Variants in DYM observed in about 807,000 individuals in gnomAD.
DYM encodes dymeclin, also known as dyggve-Melchior-Clausen syndrome protein.
Under a neutral mutation model 93.1 loss-of-function variants are expected in DYM, and 78 were observed. That is an observed-to-expected ratio of 0.84 (90% confidence interval 0.70 to 1.01). The LOEUF is 1.01. DYM is among the 50% of genes least tolerant of loss of function. DYM has a pLI of 0.00. For synonymous variants in DYM, 321 were observed against 319.7 expected (o/e 1.00, Z -0.04); for missense variants, 789 against 845.0 (o/e 0.93, Z 0.82).
intron 13 of DYM, among the ~76,000 whole-genome samples, chr18:49,235,901 A>C (rs1311638863): frequency 6.6e-6 from 1 of 152,190 alleles, no homozygotes; most frequent in East Asian, 1.9e-4. Context: ...TTTCCTCTTC[A>C]TAAGGAATCA....
At chr18:49,141,422 C>T (rs559854564) in intron 15 of DYM, among the ~76,000 whole-genome samples, 2 of 152,302 alleles carry the variant, frequency 1.3e-5, no homozygotes, top group South Asian at 2.1e-4. Flanking sequence ...AGGCCTTGAA[C>T]ATAGCCCTAC....
Position 49,281,002 on chromosome 18 carries a change from G to A in DYM, c.1125+995C>T, listed in dbSNP as rs1246074066. Among the ~76,000 whole-genome samples the A allele has an allele frequency of 1.3e-3, 204 of 152,044 alleles. 1 individual carries two copies. The highest frequency in any genetic ancestry group is 2.5e-3 in the South Asian group (12 of 4,816). On this transcript the variant is annotated intron_variant, in intron 10 of 17. Transcript: ENST00000675505. ...CTGCACAGCAAAAGAAACTACCATC[G>A]GAGTGAACAGGCAACCTACAGAATG...
chr18:49,320,906 G>C (rs2062429758), intron 8 of DYM, among the ~76,000 whole-genome samples: 1 of 152,108 alleles, frequency 6.6e-6, no homozygotes, highest in South Asian at 2.1e-4. Context: ...TATAGTTTGA[G>C]GATTTTTCCT....
At chr18:49,099,995 T>C (rs920443503) in intron 16 of DYM, among the ~76,000 whole-genome samples, 3 of 152,146 alleles carry the variant, frequency 2.0e-5, no homozygotes, top group Admixed American at 1.3e-4. Context: ...ATCTAGATAC[T>C]GTAACCAGGA....
intron 15 of DYM, among the ~76,000 whole-genome samples, chr18:49,136,177 A>G (rs2083828705): frequency 6.6e-6 from 1 of 152,222 alleles, no homozygotes; most frequent in Non-Finnish European, 1.5e-5. Context: ...TTTGCAATTT[A>G]TTTCCTGTGG....
chr18:49,333,525 C>T (rs990502631), intron 7 of DYM, among the ~76,000 whole-genome samples: 4 of 152,048 alleles, frequency 2.6e-5, no homozygotes, highest in South Asian at 2.1e-4. Flanking sequence ...AATGAAGCTA[C>T]GGGACAGGAA....
chr18:49,096,580 AAAG>A (rs1369763649), intron 17 of DYM, among the ~76,000 whole-genome samples: 1 of 152,236 alleles, frequency 6.6e-6, no homozygotes, highest in Non-Finnish European at 1.5e-5. Flanking sequence ...AAAAAACTAA[AAAG>A]AACAGTAAAG....
At chr18:49,091,769 C>T (rs1412109266) in intron 17 of DYM, among the ~76,000 whole-genome samples, 1 of 152,064 alleles carries the variant, frequency 6.6e-6, no homozygotes, top group Non-Finnish European at 1.5e-5. Flanking sequence ...TGGAGTCTCG[C>T]TCTGTCCCCT....
At chr18:49,238,340 A>G (rs2093934276) in intron 13 of DYM, among the ~76,000 whole-genome samples, 1 of 152,162 alleles carries the variant, frequency 6.6e-6, no homozygotes, top group African/African-American at 2.4e-5. Flanking sequence ...GAAATTTGTG[A>G]ATGCATCATC....
chr18:49,269,761 A>G (rs1290174601), intron 11 of DYM, among the ~76,000 whole-genome samples: 1 of 152,154 alleles, frequency 6.6e-6, no homozygotes, highest in Non-Finnish European at 1.5e-5. Context: ...AAGTTCCAGT[A>G]AGCTAAGGGT....
chr18:49,276,655 C>T (rs1251895370), intron 10 of DYM, among the ~76,000 whole-genome samples: 1 of 151,956 alleles, frequency 6.6e-6, no homozygotes, highest in Non-Finnish European at 1.5e-5. Flanking sequence ...AACATAATGG[C>T]AAAGAGATGA....
At chr18:49,247,567 G>T (rs1026763468) in intron 13 of DYM, among the ~76,000 whole-genome samples, 1 of 152,154 alleles carries the variant, frequency 6.6e-6, no homozygotes, top group Non-Finnish European at 1.5e-5. Flanking sequence ...CTCTATGGAA[G>T]TTATTTTAAA....
At chr18:49,324,132 C>A (rs901383767) in intron 8 of DYM, among the ~76,000 whole-genome samples, 1 of 51,424 alleles carries the variant, frequency 1.9e-5, no homozygotes, top group African/African-American at 7.5e-5. Flanking sequence ...CAGATAGGCT[C>A]TGTCTCAAAA....
At chr18:49,152,674 A>G (rs1204392993) in intron 15 of DYM, among the ~76,000 whole-genome samples, 1 of 152,234 alleles carries the variant, frequency 6.6e-6, no homozygotes, top group African/African-American at 2.4e-5. Flanking sequence ...TTGCACTTGC[A>G]TATTCATTTC....
chr18:49,197,308 G>A (rs1020287685), intron 14 of DYM, among the ~76,000 whole-genome samples: 1 of 151,994 alleles, frequency 6.6e-6, no homozygotes, highest in Non-Finnish European at 1.5e-5. Flanking sequence ...TTAGGAACAA[G>A]CTTTTTAAAA....
At chr18:49,339,440 GT>G (rs1488610534) in intron 6 of DYM, among the ~76,000 whole-genome samples, 2 of 152,180 alleles carry the variant, frequency 1.3e-5, no homozygotes, top group Non-Finnish European at 2.9e-5. Flanking sequence ...ACTACGATGT[GT>G]GTTGAGTAGC....
chr18:49,195,582 T>C (rs1375839872), intron 14 of DYM, among the ~76,000 whole-genome samples: 1 of 152,190 alleles, frequency 6.6e-6, no homozygotes, highest in Non-Finnish European at 1.5e-5. Flanking sequence ...TAACAGAATC[T>C]ACACTACTGC....
intron 14 of DYM, among the ~76,000 whole-genome samples, chr18:49,198,892 G>C (rs1260456217): frequency 1.3e-5 from 2 of 151,498 alleles, no homozygotes; most frequent in African/African-American, 4.9e-5. Flanking sequence ...ATACCCAAAG[G>C]ATTATAAATG....
chr18:49,326,487 C>A (rs1599443052), intron 8 of DYM, among the ~76,000 whole-genome samples: 1 of 150,644 alleles, frequency 6.6e-6, no homozygotes, highest in Non-Finnish European at 1.5e-5. Flanking sequence ...AAAAAAAAAA[C>A]CTAAAATCTA....
Sources: allele counts gnomAD v4.1 joint callset (sites outside exome capture counted in the v4.1 genomes callset), GRCh38; gene constraint gnomAD v4.1.1; transcripts MANE v1.5; gene names NCBI Gene and HGNC (gene_info 2026-07-23, HGNC 2026-07-21).